ZNF385D: variants seen among roughly 807,000 people sequenced by gnomAD.
The protein encoded by ZNF385D is zinc finger protein 385D, also known as zinc finger protein 659.
In ZNF385D, 15 loss-of-function variants were observed where a neutral mutation model predicts 35.8. That is an observed-to-expected ratio of 0.42 (90% CI 0.28 to 0.64). The LOEUF (loss-of-function observed/expected upper bound fraction) is 0.64. ZNF385D is among the 30% of genes least tolerant of loss of function. The probability of loss-of-function intolerance (pLI) is 0.23; values close to 1 mark genes in which losing one functional copy is unlikely to be tolerated. For synonymous variants in ZNF385D, 212 were observed against 186.8 expected (o/e 1.13, Z -1.10); for missense variants, 474 against 494.6 (o/e 0.96, Z 0.39).
chr3:21,893,028 TAGG>T (rs1019026804), intron 3 of ZNF385D, among the ~76,000 whole-genome samples: 7 of 152,078 alleles, frequency 4.6e-5, no homozygotes, highest in South Asian at 2.1e-4. Context: ...TTGAAAAACA[TAGG>T]AGAAGAGAAG....
chr3:22,004,391 A>G (rs982081394), intron 3 of ZNF385D, among the ~76,000 whole-genome samples: 3 of 152,202 alleles, frequency 2.0e-5, no homozygotes, highest in African/African-American at 4.8e-5. Context: ...TATGGCCTAG[A>G]CTTCAAAAGC....
chr3:21,814,186 G>C (rs1179203566), intron 3 of ZNF385D, among the ~76,000 whole-genome samples: 1 of 152,176 alleles, frequency 6.6e-6, no homozygotes, highest in Non-Finnish European at 1.5e-5. Flanking sequence ...TCTTGCAAGA[G>C]CTCCTGAAGG....
intron 3 of ZNF385D, among the ~76,000 whole-genome samples, chr3:21,554,699 C>T (rs542386579): frequency 6.6e-6 from 1 of 152,254 alleles, no homozygotes; most frequent in South Asian, 2.1e-4. Flanking sequence ...CATCTTTTTT[C>T]AGCGGCCTTA....
chr3:21,638,075 G>T (rs1431008140), intron 2 of ZNF385D, among the ~76,000 whole-genome samples: 1 of 152,080 alleles, frequency 6.6e-6, no homozygotes, highest in Non-Finnish European at 1.5e-5. Context: ...ATTACATTGT[G>T]CTGGACATAT....
chr3:21,797,529 C>A (rs2125676625), intron 3 of ZNF385D, among the ~76,000 whole-genome samples: 1 of 152,298 alleles, frequency 6.6e-6, no homozygotes, highest in Admixed American at 6.5e-5. Flanking sequence ...ACAGAAAATT[C>A]TACAAACAAC....
At chr3:21,921,277 T>C (rs1700449126) in intron 3 of ZNF385D, among the ~76,000 whole-genome samples, 1 of 147,808 alleles carries the variant, frequency 6.8e-6, no homozygotes. Context: ...AAATGGCATA[T>C]TTAACCACAC....
chr3:21,706,475 C>A (rs1423403083), intron 1 of ZNF385D, among the ~76,000 whole-genome samples: 1 of 152,144 alleles, frequency 6.6e-6, no homozygotes, highest in East Asian at 1.9e-4. Context: ...AGCATACTTA[C>A]AATTTGAGGA....
intron 2 of ZNF385D, among the ~76,000 whole-genome samples, chr3:22,174,125 T>C (rs1174030520): frequency 2.0e-5 from 3 of 152,244 alleles, no homozygotes; most frequent in East Asian, 1.9e-4. Context: ...TTTAACCCTA[T>C]TGCAACTCCC....
chr3:21,621,178 C>T (rs1330906428), intron 2 of ZNF385D, among the ~76,000 whole-genome samples: 1 of 146,358 alleles, frequency 6.8e-6, no homozygotes, highest in East Asian at 2.0e-4. Flanking sequence ...GCTTTTTCCC[C>T]TAATAATTAT....
chr3:22,278,734 T>C (rs543606204), intron 2 of ZNF385D, among the ~76,000 whole-genome samples: 9 of 152,210 alleles, frequency 5.9e-5, no homozygotes, highest in South Asian at 2.1e-4. Context: ...TCAGAGAAAA[T>C]TGGCAAAATG....
chr3:22,098,684 G>A (rs556919679), intron 3 of ZNF385D, among the ~76,000 whole-genome samples: 1 of 152,120 alleles, frequency 6.6e-6, no homozygotes, highest in Admixed American at 6.6e-5. Context: ...ATTCACAAGA[G>A]AAGAAATGTC....
intron 3 of ZNF385D, among the ~76,000 whole-genome samples, chr3:22,059,482 A>G (rs1416264832): frequency 7.2e-5 from 11 of 152,188 alleles, no homozygotes; most frequent in African/African-American, 2.7e-4. Flanking sequence ...TCCCAAAATA[A>G]GATAAGCGAT....
At chr3:21,766,121 C>G (rs2070820509) in intron 3 of ZNF385D, among the ~76,000 whole-genome samples, 1 of 151,936 alleles carries the variant, frequency 6.6e-6, no homozygotes, top group Non-Finnish European at 1.5e-5. Context: ...GGGAAATGAA[C>G]TAATAGTAGT....
At chr3:22,046,021 C>T (rs373178299) in intron 3 of ZNF385D, among the ~76,000 whole-genome samples, 2 of 152,054 alleles carry the variant, frequency 1.3e-5, no homozygotes, top group African/African-American at 4.8e-5. Flanking sequence ...CATTACTGAA[C>T]AAGCACTTGT....
chr3:21,421,118 T>C lies in ZNF385D; in HGVS notation c.*96A>G, dbSNP rs1700712967. ...AAAAGTCCTGGCTCTTCAGATATACTTTAAACTATAAATAAACACTGCATA... is the reference window on the plus strand; with the variant it reads ...AAAAGTCCTGGCTCTTCAGATATACCTTAAACTATAAATAAACACTGCATA... On this transcript the variant is annotated 3_prime_UTR_variant, in exon 8 of 8. Coordinates refer to ENST00000281523, the MANE Select transcript of ZNF385D (RefSeq NM_024697.3). The C allele has an allele frequency of 1.2e-6, 1 of 806,224 alleles. No individual in the cohort carries two copies. The highest frequency in any genetic ancestry group is 1.8e-5 in the South Asian group (1 of 54,586). 49.9% of individuals were successfully genotyped at this position (806,224 alleles called of 1,614,324 possible). A position where few individuals can be genotyped will look rare whatever the true frequency, so the allele number is the denominator to read the frequency against.
intron 3 of ZNF385D, among the ~76,000 whole-genome samples, chr3:22,070,568 T>A (rs1479996): frequency 0.51 from 78,023 of 151,892 alleles, 21,458 homozygotes; most frequent in African/African-American, 0.7. Flanking sequence ...TGATGAAAGA[T>A]TATAAAAGGA....
At chr3:21,919,793 C>T (rs1700364331) in intron 3 of ZNF385D, among the ~76,000 whole-genome samples, 1 of 152,192 alleles carries the variant, frequency 6.6e-6, no homozygotes. Flanking sequence ...AGAAACTTTT[C>T]TAGCATCTTC....
chr3:21,936,066 C>T (rs1701240495), intron 3 of ZNF385D, among the ~76,000 whole-genome samples: 1 of 151,922 alleles, frequency 6.6e-6, no homozygotes. Flanking sequence ...GAGTAGAGCA[C>T]TAATATGGCC....
At chr3:21,876,668 G>A (rs184894852) in intron 3 of ZNF385D, among the ~76,000 whole-genome samples, 2 of 151,594 alleles carry the variant, frequency 1.3e-5, no homozygotes, top group East Asian at 3.9e-4. Flanking sequence ...AATAGTACAG[G>A]GGTTAGAACA....
Sources: allele counts gnomAD v4.1 joint callset (sites outside exome capture counted in the v4.1 genomes callset), GRCh38; gene constraint gnomAD v4.1.1; transcripts MANE v1.5; gene names NCBI Gene and HGNC (gene_info 2026-07-23, HGNC 2026-07-21).